TDRD9: variants seen among roughly 807,000 people sequenced by gnomAD.
TDRD9 encodes tudor domain containing 9.
In TDRD9, 124 loss-of-function variants were observed where a neutral mutation model predicts 172.6. The observed-to-expected ratio is 0.72, with a 90% CI of 0.62 to 0.83. TDRD9 has a LOEUF of 0.83. TDRD9 is among the 40% of genes least tolerant of loss of function. The pLI, the probability that TDRD9 is intolerant of heterozygous loss-of-function variation, is 0.00. For synonymous variants in TDRD9, 619 were observed against 617.1 expected (o/e 1.00, Z -0.05); for missense variants, 1,479 against 1,714.1 (o/e 0.86, Z 2.42).
Position 103,997,199 on chromosome 14 carries a change from G to C in TDRD9, c.1378+1392G>C, listed in dbSNP as rs913435374. On this transcript the variant is annotated intron_variant, in intron 12 of 35. Transcript: ENST00000409874. This position sits in a 1 kb window ranked among gnomAD's most constrained non-coding sequence, Gnocchi z 5.1. Reference sequence around the variant, plus strand: ...TTTCTCTGGGAATAGACTAGAATGAGGCAAAGGAGAGAAAAGGAAGAGACT... The same window carrying C: ...TTTCTCTGGGAATAGACTAGAATGACGCAAAGGAGAGAAAAGGAAGAGACT... Among the ~76,000 whole-genome samples the C allele has an allele frequency of 6.6e-6, 1 of 152,224 alleles. No homozygotes were observed. The highest frequency in any genetic ancestry group is 1.5e-5 in the Non-Finnish European group (1 of 68,046).
intron 7 of TDRD9, among the ~76,000 whole-genome samples, chr14:103,981,074 T>C (rs1349503497): frequency 6.6e-6 from 1 of 152,250 alleles, no homozygotes; most frequent in East Asian, 1.9e-4. Flanking sequence ...TTTATTATAC[T>C]GGAACAGCTC....
rs758557110 is a variant in TDRD9, at chr14:103,965,373, A to G, written c.461A>G (p.His154Arg). The G allele has an allele frequency of 6.4e-6, 10 of 1,551,648 alleles. No homozygotes were observed. Among genetic ancestry groups the G allele is most frequent in the African/African-American group, 1.4e-5 (1 of 73,048 alleles). Residue 154 changes from histidine (H) to arginine (R), a missense_variant, in exon 4 of 36, where the codon CAT (histidine) becomes CGT (arginine). By Grantham distance (29) the His-to-Arg change is conservative. Transcript: ENST00000409874. Reference protein sequence around the residue: ...LIESNSVVIIHGATGSGKSTQ... With the variant: ...LIESNSVVIIRGATGSGKSTQ... ...GAAAGTAATTCCGTGGTGATTATCC[A>G]TGGGGCCACGGGAAGCGGTAAAAGC... is the stretch of plus-strand genomic sequence containing the variant.
intron 1 of TDRD9, among the ~76,000 whole-genome samples, chr14:103,949,159 G>A (rs898531879): frequency 6.6e-6 from 1 of 152,188 alleles, no homozygotes; most frequent in Admixed American, 6.5e-5. Flanking sequence ...TTAAGATGGA[G>A]GATACCTTTG....
intron 32 of TDRD9, among the ~76,000 whole-genome samples, chr14:104,039,397 G>A (rs1051827148): frequency 6.6e-6 from 1 of 152,258 alleles, no homozygotes; most frequent in Non-Finnish European, 1.5e-5. Flanking sequence ...GAGTTTTACT[G>A]TAGTCACAGT....
At chr14:103,990,391 C>G (rs1479139196) in intron 8 of TDRD9, among the ~76,000 whole-genome samples, 1 of 152,242 alleles carries the variant, frequency 6.6e-6, no homozygotes, top group Non-Finnish European at 1.5e-5. Flanking sequence ...TGTTCCCAGG[C>G]ATTGCCTGGA....
chr14:103,958,936 T>C (rs1181520299), intron 2 of TDRD9, among the ~76,000 whole-genome samples: 2 of 152,226 alleles, frequency 1.3e-5, no homozygotes, highest in Non-Finnish European at 2.9e-5. Context: ...ACGAAGAGTT[T>C]TGGTCTTAAT....
chr14:104,012,916 TTTG>T (rs1163882392), intron 20 of TDRD9, among the ~76,000 whole-genome samples: 3 of 152,186 alleles, frequency 2.0e-5, no homozygotes, highest in Non-Finnish European at 4.4e-5. Context: ...TAAATATCTT[TTTG>T]TTGTTGTTCA....
chr14:104,051,180 T>G (rs2035927116), intron 35 of TDRD9, among the ~76,000 whole-genome samples: 1 of 152,218 alleles, frequency 6.6e-6, no homozygotes, highest in African/African-American at 2.4e-5. Context: ...GTACTCAATG[T>G]TTAGCTCCAC....
At chr14:103,991,102 A>G (rs1340758329) in intron 8 of TDRD9, 58 bp from the exon 9 acceptor site, 5 of 1,597,018 alleles carry the variant, frequency 3.1e-6, no homozygotes, top group Non-Finnish European at 4.3e-6. Context: ...AGGATTTTAG[A>G]GAAGCAATAG....
intron 6 of TDRD9, among the ~76,000 whole-genome samples, chr14:103,973,147 C>G (rs56050561): frequency 6.6e-6 from 1 of 152,022 alleles, no homozygotes; most frequent in Non-Finnish European, 1.5e-5. Context: ...TCACTGTGTT[C>G]ATGATTTATT....
chr14:104,030,130 A>G (rs1042867500), intron 28 of TDRD9, among the ~76,000 whole-genome samples: 6 of 152,204 alleles, frequency 3.9e-5, no homozygotes, highest in African/African-American at 1.4e-4. Flanking sequence ...CCAAAATTTT[A>G]CATACAAAAA....
chr14:104,007,936 C>T (rs1216502535), intron 19 of TDRD9, among the ~76,000 whole-genome samples: 1 of 152,116 alleles, frequency 6.6e-6, no homozygotes, highest in Admixed American at 6.5e-5. Flanking sequence ...CGCCACCACA[C>T]CCAGCTACTT....
intron 20 of TDRD9, among the ~76,000 whole-genome samples, chr14:104,009,843 G>A (rs2034555975): frequency 6.6e-6 from 1 of 152,034 alleles, no homozygotes; most frequent in Non-Finnish European, 1.5e-5. Flanking sequence ...ACAGCTCATA[G>A]AAGCCTTGAC....
intron 1 of TDRD9, among the ~76,000 whole-genome samples, chr14:103,932,541 C>T (rs963612897): frequency 6.6e-6 from 1 of 152,152 alleles, no homozygotes; most frequent in African/African-American, 2.4e-5. Context: ...GCGCCCGCCA[C>T]CACAGCCGGC....
At chr14:104,010,987 C>T (rs1056773655) in intron 20 of TDRD9, among the ~76,000 whole-genome samples, 2 of 152,172 alleles carry the variant, frequency 1.3e-5, no homozygotes, top group Admixed American at 6.5e-5. Flanking sequence ...ATATGATTGG[C>T]AGCACAGTAG....
At chr14:103,976,844 T>G (rs1333537121) in intron 7 of TDRD9, among the ~76,000 whole-genome samples, 1 of 152,100 alleles carries the variant, frequency 6.6e-6, no homozygotes, top group Non-Finnish European at 1.5e-5. Context: ...ATTTGTCATA[T>G]TTTGTCTTTT....
intron 32 of TDRD9, among the ~76,000 whole-genome samples, chr14:104,035,825 T>G (rs557886232): frequency 6.6e-6 from 1 of 152,218 alleles, no homozygotes; most frequent in Non-Finnish European, 1.5e-5. Context: ...AAGTTACCCT[T>G]TTCTTCTTTT....
chr14:103,978,402 G>C (rs951542872), intron 7 of TDRD9, among the ~76,000 whole-genome samples: 1 of 152,132 alleles, frequency 6.6e-6, no homozygotes, highest in Non-Finnish European at 1.5e-5. Context: ...TAGGGAAAAT[G>C]CTTCAGGACA....
intron 20 of TDRD9, among the ~76,000 whole-genome samples, chr14:104,008,688 A>G (rs1338249411): frequency 6.6e-6 from 1 of 152,094 alleles, no homozygotes; most frequent in African/African-American, 2.4e-5. Flanking sequence ...TAAGGAATGT[A>G]TTTCCCCTAT....
Sources: gnomAD v4.1 joint callset for allele counts (sites outside exome capture counted in the v4.1 genomes callset) on GRCh38, gnomAD v4.1.1 for gene constraint, Gnocchi (gnomAD v3.1) non-coding constraint, MANE v1.5 for transcripts, NCBI Gene and HGNC (gene_info 2026-07-23, HGNC 2026-07-21) for gene names.